The following GRAMD4 variants were observed in gnomAD, a reference collection of about 807,000 sequenced individuals.
The protein encoded by GRAMD4 is GRAM domain-containing protein 4.
GRAMD4 carries 25 observed loss-of-function variants against 83.9 expected under a neutral mutation model. That is an observed-to-expected ratio of 0.30 (90% CI 0.22 to 0.42). GRAMD4 has a LOEUF of 0.42. GRAMD4 is among the 10% of genes least tolerant of loss of function. The probability of loss-of-function intolerance (pLI) is 1.00; values close to 1 mark genes in which losing one functional copy is unlikely to be tolerated. For synonymous variants in GRAMD4, 336 were observed against 320.9 expected, an observed-to-expected ratio of 1.05 and a Z score of -0.50; for missense variants, 593 against 788.7, an observed-to-expected ratio of 0.75 and a Z score of 2.97.
downstream of GRAMD4, among the ~76,000 whole-genome samples, chr22:46,681,671 G>A (rs892895407): frequency 2.6e-5 from 4 of 152,234 alleles, no homozygotes; most frequent in Non-Finnish European, 5.9e-5. Flanking sequence ...GGGTGGGGGT[G>A]CGTCAGGGAG....
At position 46,668,904 on chromosome 22, in the gene GRAMD4, C is replaced by G. The variant is rs775554065; in HGVS notation, c.1080C>G (p.Ala360=). ...TCCCCTACCGCCTGGTGGGGCTTGC[C>G]GTGGGTAAGTAGATGCACCTGCGGC... ...CFFPYRLVGL[A]VGLYAGIKFF... The change falls in exon 13 of 19, where the codon GCC becomes GCG. Residue 360 remains alanine, a synonymous_variant. Coordinates refer to ENST00000406902, the MANE Select transcript of GRAMD4 (RefSeq NM_015124.5). 22 of 1,592,412 alleles carry G rather than the reference C, an allele frequency of 1.4e-5. No homozygotes were observed. Among genetic ancestry groups the G allele is most frequent in the East Asian group, 2.2e-5 (1 of 44,804 alleles).
rs890216307 is a variant in GRAMD4 at position 46,672,672 on chromosome 22, C to G, written c.1085-171C>G. On this transcript the variant is annotated intron_variant, in intron 13 of 18. Transcript: ENST00000406902. This position sits in a 1 kb window ranked among gnomAD's most constrained non-coding sequence, Gnocchi z 4.7. ...GCAGCACGAATGGGCCCCAGGGGAG[C>G]GAGGCTGGGGGTATCCAGGGTGAGG... 6.6e-6 allele frequency among the ~76,000 whole-genome samples: 1 copy of G among 151,652 alleles called. No homozygotes were observed. Among genetic ancestry groups the G allele is most frequent in the African/African-American group, 2.4e-5 (1 of 41,220 alleles).
chr22:46,658,096 G>GT, intron 3 of GRAMD4, 91 bp from the exon 4 acceptor site: 1 of 1,526,372 alleles, frequency 6.6e-7, no homozygotes, highest in Non-Finnish European at 9.1e-7. Context: ...CCCCTCTGCT[G>GT]TTTCTGAGTC....
At chr22:46,584,269 A>G (rs1024069865) in intron 1 of GRAMD4, among the ~76,000 whole-genome samples, 3 of 152,032 alleles carry the variant, frequency 2.0e-5, no homozygotes, top group Non-Finnish European at 4.4e-5. Context: ...ACCAAGATCC[A>G]GGTGGCGGGT....
chr22:46,675,616 G>T, intron 17 of GRAMD4, 64 bp downstream of exon 17: 1 of 1,089,170 alleles, frequency 9.2e-7, no homozygotes, highest in Non-Finnish European at 1.4e-6. Context: ...AGAGGCTGGC[G>T]AGGCTTTCCC....
rs775137998 is a variant in GRAMD4, at chr22:46,673,825, C to T, written c.1384+11C>T. The T allele has an allele frequency of 1.6e-5, 25 of 1,612,296 alleles. No individual in the cohort carries two copies. The highest frequency in any genetic ancestry group is 4.5e-5 in the East Asian group (2 of 44,892). On this transcript the variant is annotated intron_variant, in intron 15 of 18. Transcript: ENST00000406902. ...AGCGTCCGCTGGCGGGTATGTGTGC[C>T]GTGAGTCTGAGGCCAGGCCGAGCGC...
chr22:46,681,047 T>G (rs532928319), downstream of GRAMD4, among the ~76,000 whole-genome samples: 28 of 148,702 alleles, frequency 1.9e-4, no homozygotes, highest in African/African-American at 6.7e-4. Context: ...ATCCATGCTG[T>G]GATAGCCACC....
chr22:46,616,814 G>A (rs1390710951), upstream of GRAMD4, among the ~76,000 whole-genome samples: 4 of 122,394 alleles, frequency 3.3e-5, no homozygotes, highest in Non-Finnish European at 6.9e-5. Context: ...GTGTGTGTAG[G>A]TTCCCCTGTG....
At chr22:46,635,910 G>T (rs981874124) in intron 2 of GRAMD4, among the ~76,000 whole-genome samples, 1 of 151,954 alleles carries the variant, frequency 6.6e-6, no homozygotes, top group East Asian at 1.9e-4. Context: ...AAACAGCCCA[G>T]GGCAGTGCAG....
chr22:46,580,218 G>A (rs373136701), intron 1 of GRAMD4, among the ~76,000 whole-genome samples: 5 of 152,350 alleles, frequency 3.3e-5, no homozygotes, highest in East Asian at 3.9e-4. Context: ...GAGGGTGCTC[G>A]CTGGGAAGCA....
chr22:46,656,037 A>G (rs1296525410), intron 3 of GRAMD4, among the ~76,000 whole-genome samples: 6 of 151,968 alleles, frequency 3.9e-5, no homozygotes, highest in African/African-American at 7.3e-5. Flanking sequence ...GCCCGCAGGG[A>G]CAGGCCCAGT....
intron 3 of GRAMD4, among the ~76,000 whole-genome samples, chr22:46,651,852 G>A (rs5769056): frequency 0.17 from 25,605 of 152,134 alleles, 2,818 homozygotes; most frequent in African/African-American, 0.32. Context: ...GGAGGTGGGG[G>A]GGAGAGAGAC....
intron 8 of GRAMD4, among the ~76,000 whole-genome samples, chr22:46,664,638 C>T (rs771313522): frequency 2.0e-5 from 3 of 152,170 alleles, no homozygotes; most frequent in Non-Finnish European, 4.4e-5. Context: ...GCTGCCCCAG[C>T]GGGACAGGAG....
intron 3 of GRAMD4, among the ~76,000 whole-genome samples, chr22:46,642,964 T>TATCC (rs753919146): frequency 0.047 from 6,464 of 136,180 alleles, 149 homozygotes; most frequent in African/African-American, 0.063. Context: ...CGCATGCATC[T>TATCC]ATCCATCCAT....
intron 1 of GRAMD4, 65 bp from the exon 2 acceptor site, chr22:46,626,686 G>A: frequency 9.6e-7 from 1 of 1,038,392 alleles, no homozygotes; most frequent in Non-Finnish European, 1.4e-6. Flanking sequence ...TGCCCTGTGT[G>A]TGGGAGCTGG....
chr22:46,616,812 A>G (rs1360920105), upstream of GRAMD4, among the ~76,000 whole-genome samples: 10 of 89,660 alleles, frequency 1.1e-4, no homozygotes, highest in Admixed American at 1.2e-4. Context: ...CTGTGTGTGT[A>G]GGTTCCCCTG....
At chr22:46,660,292 C>T (rs1019248951) in intron 4 of GRAMD4, among the ~76,000 whole-genome samples, 3 of 152,178 alleles carry the variant, frequency 2.0e-5, no homozygotes, top group Non-Finnish European at 4.4e-5. Flanking sequence ...ATTAAGGGCT[C>T]TCCCCTGCTT....
intron 9 of GRAMD4, among the ~76,000 whole-genome samples, chr22:46,666,569 C>G (rs532995857): frequency 2.9e-4 from 44 of 152,226 alleles, no homozygotes; most frequent in African/African-American, 9.6e-4. Flanking sequence ...GCCGCCCTCT[C>G]CCACACCGCT....
At chr22:46,581,676 C>T (rs570424671) in intron 1 of GRAMD4, among the ~76,000 whole-genome samples, 8 of 152,380 alleles carry the variant, frequency 5.3e-5, no homozygotes, top group African/African-American at 1.9e-4. Flanking sequence ...TTCGTACCAA[C>T]TGGAGGTAGG....
Sources: allele counts gnomAD v4.1 joint callset (sites outside exome capture counted in the v4.1 genomes callset), GRCh38; gene constraint gnomAD v4.1.1; non-coding constraint Gnocchi (gnomAD v3.1); transcripts MANE v1.5; gene names NCBI Gene and HGNC (gene_info 2026-07-23, HGNC 2026-07-21).